ELAVL2: variants seen among roughly 807,000 people sequenced by gnomAD.
ELAVL2 encodes the protein ELAV-like protein 2.
A neutral mutation model predicts 34.6 loss-of-function variants in ELAVL2; 4 were observed. The ratio of observed to expected loss-of-function variants is 0.12; its 90% CI spans 0.06 to 0.26. The LOEUF (loss-of-function observed/expected upper bound fraction) is 0.26, where lower values mean the gene tolerates loss of function less well. Among genes scored for constraint, ELAVL2 ranks in the 10% least tolerant of loss-of-function variants. The pLI is 1.00. For synonymous variants in ELAVL2, 193 were observed against 154.8 expected (o/e 1.25, Z -1.83); for missense variants, 432 against 442.8 (o/e 0.98, Z 0.22).
intron 3 of ELAVL2, among the ~76,000 whole-genome samples, chr9:23,725,047 T>C (rs1403464658): frequency 6.6e-6 from 1 of 152,148 alleles, no homozygotes; most frequent in Non-Finnish European, 1.5e-5. Flanking sequence ...TTTCTACCCT[T>C]TGTACCATCA....
At chr9:23,758,465 T>C in intron 2 of ELAVL2, among the ~76,000 whole-genome samples, 1 of 152,116 alleles carries the variant, frequency 6.6e-6, no homozygotes, top group East Asian at 1.9e-4. Context: ...TTAACCCATA[T>C]TACAAATATG....
intron 1 of ELAVL2, among the ~76,000 whole-genome samples, chr9:23,774,859 A>AC (rs151038032): frequency 0.038 from 5,735 of 152,170 alleles, 354 homozygotes; most frequent in African/African-American, 0.13. Context: ...CCACGATTAT[A>AC]CCCTAGAATC....
At chr9:23,733,036 A>T (rs1021604589) in intron 2 of ELAVL2, among the ~76,000 whole-genome samples, 1 of 152,126 alleles carries the variant, frequency 6.6e-6, no homozygotes, top group African/African-American at 2.4e-5. Flanking sequence ...CTGCTATTCT[A>T]TGACAAAATA....
the ELAVL2 span, among the ~76,000 whole-genome samples, chr9:23,836,375 A>AT: frequency 6.6e-6 from 1 of 152,156 alleles, no homozygotes; most frequent in African/African-American, 2.4e-5. Context: ...CCTGTAGATG[A>AT]TATTTCTAGG....
chr9:23,762,543 T>C (rs1478013546), intron 1 of ELAVL2, among the ~76,000 whole-genome samples: 4 of 152,062 alleles, frequency 2.6e-5, no homozygotes, highest in Non-Finnish European at 4.4e-5. Context: ...CTTACTCACC[T>C]GCAGTGTCCA....
chr9:23,806,791 G>A (rs1273418231), intron 1 of ELAVL2, among the ~76,000 whole-genome samples: 1 of 152,026 alleles, frequency 6.6e-6, no homozygotes, highest in Non-Finnish European at 1.5e-5. Context: ...GACACCAAAG[G>A]CAATGGGAAG....
chr9:23,731,558 A>C (rs750213592), intron 2 of ELAVL2, among the ~76,000 whole-genome samples: 3 of 152,178 alleles, frequency 2.0e-5, no homozygotes, highest in Non-Finnish European at 4.4e-5. Context: ...GTGTTCAGTA[A>C]ATTGTACCCT....
At chr9:23,822,897 C>T (rs1453641630) in intron 1 of ELAVL2, among the ~76,000 whole-genome samples, 1 of 152,178 alleles carries the variant, frequency 6.6e-6, no homozygotes, top group East Asian at 1.9e-4. Context: ...GGGCGTCCAG[C>T]GCTCCCCGCC....
Position 23,759,062 on chromosome 9 carries a change from C to T in ELAVL2, c.229+2944G>A, listed in dbSNP as rs75713555. On this transcript the variant is annotated intron_variant, in intron 2 of 6. Transcript: ENST00000397312. ...ACCGTATGATCCAGCATCCCCACTACTGCATGTTAACCCAAAAGAAATGAA... is the reference window on the plus strand; with the variant it reads ...ACCGTATGATCCAGCATCCCCACTATTGCATGTTAACCCAAAAGAAATGAA... Among the ~76,000 whole-genome samples, 10 of 152,136 alleles carry T rather than the reference C, an allele frequency of 6.6e-5. No individual in the cohort carries two copies. In the East Asian group the frequency reaches 1.9e-3, roughly 29 times the overall value.
intron 1 of ELAVL2, among the ~76,000 whole-genome samples, chr9:23,772,533 C>CAAA (rs1433663815): frequency 8.0e-5 from 7 of 87,338 alleles, no homozygotes; most frequent in African/African-American, 3.7e-4. Flanking sequence ...GCAGCTTACA[C>CAAA]CAAAAAAAAA....
chr9:23,776,383 A>G (rs575114891), intron 1 of ELAVL2, among the ~76,000 whole-genome samples: 21 of 152,308 alleles, frequency 1.4e-4, no homozygotes, highest in African/African-American at 5.1e-4. Flanking sequence ...ACAGTTCAAA[A>G]TAAGCCAATC....
rs369205311 is a variant in ELAVL2 at position 23,731,160 on chromosome 9, G to T, written c.230-35C>A. On this transcript the variant is annotated intron_variant, in intron 2 of 6. Transcript: ENST00000397312. ...AGGAAGGGGAAAAAGGCATATATTA[G>T]TTCTATACTGTTGACAGAGATCAAC... The T allele has an allele frequency of 3.1e-5, 48 of 1,572,442 alleles. No homozygotes were observed. In the African/African-American group the frequency reaches 6.2e-4, roughly 20 times the overall value.
chr9:23,756,697 G>T (rs934275946), intron 2 of ELAVL2, among the ~76,000 whole-genome samples: 4 of 152,152 alleles, frequency 2.6e-5, no homozygotes, highest in African/African-American at 9.7e-5. Context: ...CTGAAGAGGG[G>T]ACAGCACTTT....
chr9:23,847,676 G>A, the ELAVL2 span, among the ~76,000 whole-genome samples: 1 of 152,048 alleles, frequency 6.6e-6, no homozygotes. Context: ...ATTGGTAAGT[G>A]TACTTTTACA....
intron 2 of ELAVL2, among the ~76,000 whole-genome samples, chr9:23,751,174 T>C (rs1192503740): frequency 6.6e-6 from 1 of 152,112 alleles, no homozygotes; most frequent in Non-Finnish European, 1.5e-5. Context: ...TTGTACGCCA[T>C]ACACATTTTC....
chr9:23,817,884 T>C (rs1488019401), intron 1 of ELAVL2, among the ~76,000 whole-genome samples: 1 of 152,194 alleles, frequency 6.6e-6, no homozygotes, highest in Non-Finnish European at 1.5e-5. Context: ...ACACTTATCT[T>C]TTAATATGTA....
At chr9:23,725,823 G>C (rs1414383880) in intron 3 of ELAVL2, among the ~76,000 whole-genome samples, 1 of 152,056 alleles carries the variant, frequency 6.6e-6, no homozygotes, top group Non-Finnish European at 1.5e-5. Context: ...TGTTTAAAAA[G>C]TTAACATTTC....
Position 23,795,401 on chromosome 9 carries a change from C to T in ELAVL2, c.-16+30405G>A, listed in dbSNP as rs371942240. The stretch of plus-strand genomic sequence containing the variant: ...TCTACTAAAAATACAAAATTAGCTT[C>T]GTGTGGTGGTACATGGCTGTAGTCC... On this transcript the variant is annotated intron_variant, in intron 1 of 6. Transcript: ENST00000397312. Among the ~76,000 whole-genome samples the T allele has an allele frequency of 3.0e-4, 46 of 151,982 alleles. No individual in the cohort carries two copies. The East Asian group carries it at 8.8e-3, about 29-fold the overall frequency.
At chr9:23,712,125 A>C (rs2041132231) in intron 3 of ELAVL2, among the ~76,000 whole-genome samples, 1 of 152,216 alleles carries the variant, frequency 6.6e-6, no homozygotes, top group Non-Finnish European at 1.5e-5. Context: ...AAGAAAATAC[A>C]GTGATCATTT....
Sources: gnomAD v4.1 joint callset for allele counts (sites outside exome capture counted in the v4.1 genomes callset) on GRCh38, gnomAD v4.1.1 for gene constraint, MANE v1.5 for transcripts, NCBI Gene and HGNC (gene_info 2026-07-23, HGNC 2026-07-21) for gene names.